The following CCDC178 variants were observed in gnomAD, a reference collection of about 807,000 sequenced individuals.
The protein encoded by CCDC178 is coiled-coil domain-containing protein 178.
In CCDC178, 126 loss-of-function variants were observed where a neutral mutation model predicts 117.4. The ratio of observed to expected loss-of-function variants is 1.07; its 90% CI spans 0.93 to 1.24. The LOEUF is 1.24. CCDC178 is among the 50% of genes most tolerant of loss of function. The pLI, the probability that CCDC178 is intolerant of heterozygous loss-of-function variation, is 0.00. For missense variants in CCDC178, 1,030 were observed against 986.9 expected (o/e 1.04, Z -0.59); for synonymous variants, 283 against 313.4 (o/e 0.90, Z 1.02).
At chr18:33,164,388 A>G (rs1478510797) in intron 20 of CCDC178, among the ~76,000 whole-genome samples, 10 of 152,044 alleles carry the variant, frequency 6.6e-5, no homozygotes, top group Admixed American at 6.6e-4. Context: ...TGCTGGGATA[A>G]CAGGTATGAG....
At chr18:33,135,672 G>T (rs1042540483) in intron 20 of CCDC178, among the ~76,000 whole-genome samples, 1 of 152,104 alleles carries the variant, frequency 6.6e-6, no homozygotes, top group Non-Finnish European at 1.5e-5. Flanking sequence ...GATTGCATGA[G>T]CGGTTTCACC....
chr18:33,016,731 A>G (rs1469913077), intron 21 of CCDC178, among the ~76,000 whole-genome samples: 2 of 152,142 alleles, frequency 1.3e-5, no homozygotes, highest in East Asian at 1.9e-4. Context: ...TGTATTCCCC[A>G]GTGTAACCAC....
At chr18:33,280,701 G>C (rs948173736) in intron 12 of CCDC178, among the ~76,000 whole-genome samples, 4 of 152,116 alleles carry the variant, frequency 2.6e-5, no homozygotes, top group East Asian at 1.9e-4. Context: ...TTGGAACCAA[G>C]CCAAATGTCC....
chr18:33,141,003 T>C (rs2058197102), intron 20 of CCDC178, among the ~76,000 whole-genome samples: 2 of 152,186 alleles, frequency 1.3e-5, no homozygotes, highest in East Asian at 1.9e-4. Context: ...GTTTTTAATA[T>C]GGGAGTTTCC....
At chr18:32,959,778 C>T (rs186716161) in intron 22 of CCDC178, among the ~76,000 whole-genome samples, 11 of 151,820 alleles carry the variant, frequency 7.2e-5, no homozygotes, top group Admixed American at 2.6e-4. Context: ...AATTTTCAAA[C>T]GAAAAGTTCT....
At chr18:33,350,938 T>A (rs572282994) in intron 7 of CCDC178, among the ~76,000 whole-genome samples, 6 of 152,134 alleles carry the variant, frequency 3.9e-5, no homozygotes, top group Admixed American at 3.3e-4. Context: ...TGGGCATCCT[T>A]GTTTTGCTCC....
chr18:33,143,404 C>A (rs1323753292), intron 20 of CCDC178, among the ~76,000 whole-genome samples: 2 of 152,130 alleles, frequency 1.3e-5, no homozygotes, highest in African/African-American at 4.8e-5. Context: ...GTTCTCATCA[C>A]ATTGTGAGTT....
At chr18:33,066,709 T>C (rs1047966292) in intron 21 of CCDC178, among the ~76,000 whole-genome samples, 9 of 152,162 alleles carry the variant, frequency 5.9e-5, no homozygotes, top group Non-Finnish European at 1.0e-4. Context: ...GCTATACTTA[T>C]ATCACATGAA....
intron 2 of CCDC178, among the ~76,000 whole-genome samples, chr18:33,417,692 T>G (rs559261964): frequency 3.5e-4 from 54 of 152,314 alleles, no homozygotes; most frequent in African/African-American, 1.3e-3. Context: ...CATTGGGAAC[T>G]GATAGTTGAA....
At chr18:33,173,917 G>T (rs1436600353) in intron 20 of CCDC178, among the ~76,000 whole-genome samples, 1 of 152,142 alleles carries the variant, frequency 6.6e-6, no homozygotes, top group African/African-American at 2.4e-5. Flanking sequence ...TAAGTAAGGA[G>T]ATTTACAATT....
chr18:32,952,270 T>C (rs1457677485), intron 22 of CCDC178, among the ~76,000 whole-genome samples: 1 of 152,374 alleles, frequency 6.6e-6, no homozygotes, highest in East Asian at 1.9e-4. Context: ...GCAGAAGTTC[T>C]CCATGAGGGC....
At chr18:33,002,361 A>C (rs79355933) in intron 21 of CCDC178, among the ~76,000 whole-genome samples, 7,521 of 152,182 alleles carry the variant, frequency 0.049, 241 homozygotes, top group Non-Finnish European at 0.074. Flanking sequence ...GAAAAAAAAA[A>C]CTAGAAATTA....
At chr18:33,031,312 T>C (rs2056337672) in intron 21 of CCDC178, among the ~76,000 whole-genome samples, 1 of 151,368 alleles carries the variant, frequency 6.6e-6, no homozygotes, top group African/African-American at 2.4e-5. Context: ...ACAGGCACAA[T>C]TATAGCACTT....
At chr18:33,018,751 C>T (rs1782976950) in intron 21 of CCDC178, among the ~76,000 whole-genome samples, 2 of 152,018 alleles carry the variant, frequency 1.3e-5, no homozygotes, top group South Asian at 4.1e-4. Context: ...GGGAATGTGT[C>T]TCCACTGCTA....
At chr18:33,049,625 C>T (rs1374633564) in intron 21 of CCDC178, among the ~76,000 whole-genome samples, 1 of 152,102 alleles carries the variant, frequency 6.6e-6, no homozygotes, top group Admixed American at 6.5e-5. Flanking sequence ...GAATATTTAA[C>T]AGGGTGAGTG....
chr18:33,022,152 A>T (rs1225058635), intron 21 of CCDC178, among the ~76,000 whole-genome samples: 1 of 152,158 alleles, frequency 6.6e-6, no homozygotes, highest in East Asian at 1.9e-4. Flanking sequence ...AATGGAGATA[A>T]TGTGATGGTC....
intron 20 of CCDC178, among the ~76,000 whole-genome samples, chr18:33,136,944 G>T (rs2058135574): frequency 6.6e-6 from 1 of 152,116 alleles, no homozygotes. Context: ...AGGGGTTGAG[G>T]CCATAGTGGT....
intron 21 of CCDC178, among the ~76,000 whole-genome samples, chr18:33,045,208 G>A (rs2056620468): frequency 6.6e-6 from 1 of 152,102 alleles, no homozygotes. Context: ...CAATAAAAAT[G>A]TATTGCATAG....
chr18:32,987,048 C>T (rs933335848), intron 21 of CCDC178, among the ~76,000 whole-genome samples: 1 of 150,880 alleles, frequency 6.6e-6, no homozygotes, highest in Non-Finnish European at 1.5e-5. Flanking sequence ...AAAAAATAAA[C>T]AAAAGTCTTC....
Sources: allele counts gnomAD v4.1 joint callset (sites outside exome capture counted in the v4.1 genomes callset), GRCh38; gene constraint gnomAD v4.1.1; transcripts MANE v1.5; gene names NCBI Gene and HGNC (gene_info 2026-07-23, HGNC 2026-07-21).